DTWD2: variants seen among roughly 807,000 people sequenced by gnomAD.
DTWD2 encodes DTW motif tRNA-uridine aminocarboxypropyltransferase 2, also known as tRNA-uridine aminocarboxypropyltransferase 2.
In DTWD2, 39 loss-of-function variants were observed where a neutral mutation model predicts 31.8. The ratio of observed to expected loss-of-function variants is 1.22; its 90% confidence interval spans 0.95 to 1.60. The LOEUF is 1.60. Among genes scored for constraint, DTWD2 ranks in the 40% most tolerant of loss-of-function variants. The pLI is 0.00. For missense variants in DTWD2, 515 were observed against 381.5 expected, an observed-to-expected ratio of 1.35 and a Z score of -2.92; for synonymous variants, 180 against 142.8, an observed-to-expected ratio of 1.26 and a Z score of -1.86.
chr5:118,875,910 C>T (rs1233218891), intron 4 of DTWD2, among the ~76,000 whole-genome samples: 1 of 152,180 alleles, frequency 6.6e-6, no homozygotes, highest in Non-Finnish European at 1.5e-5. Flanking sequence ...ATATTCTTTT[C>T]TTCGCCACAT....
intron 1 of DTWD2, among the ~76,000 whole-genome samples, chr5:118,947,236 T>C (rs182343374): frequency 1.6e-3 from 238 of 152,264 alleles, no homozygotes; most frequent in African/African-American, 5.4e-3. Context: ...CCAGAGGGCA[T>C]GTGATACAGT....
intron 4 of DTWD2, among the ~76,000 whole-genome samples, chr5:118,910,015 T>C (rs921327581): frequency 1.3e-5 from 2 of 152,182 alleles, no homozygotes; most frequent in African/African-American, 4.8e-5. Flanking sequence ...TCTTTCCTTG[T>C]CTTGGTGAAC....
At chr5:118,868,833 T>C (rs2149548482) in intron 4 of DTWD2, among the ~76,000 whole-genome samples, 1 of 131,410 alleles carries the variant, frequency 7.6e-6, no homozygotes, top group South Asian at 2.5e-4. Flanking sequence ...CAAGACCCTG[T>C]CTCTTAAAAA....
rs144557202 is a variant in DTWD2, at chr5:118,843,828, T to C, written c.727-2741A>G. ...GGTACTCCCTACAGCTGTTCACAAA[T>C]AGGCCAGCCTCCTTCCTGATACATG... On this transcript the variant is annotated intron_variant, in intron 5 of 5. Coordinates refer to ENST00000510708, the MANE Select transcript of DTWD2 (RefSeq NM_173666.4). 6.4e-3 allele frequency among the ~76,000 whole-genome samples: 979 copies of C among 152,354 alleles called. 10 individuals carry two copies. The highest frequency in any genetic ancestry group is 0.022 in the African/African-American group (899 of 41,592).
intron 4 of DTWD2, among the ~76,000 whole-genome samples, chr5:118,908,656 CAAA>C (rs771874998): frequency 1.5e-5 from 2 of 133,360 alleles, no homozygotes; most frequent in Non-Finnish European, 1.6e-5. Flanking sequence ...CCACCACCAC[CAAA>C]AAAAAAAAAA....
intron 4 of DTWD2, among the ~76,000 whole-genome samples, chr5:118,881,629 C>A (rs1052817204): frequency 2.6e-5 from 4 of 151,302 alleles, no homozygotes; most frequent in African/African-American, 7.3e-5. Flanking sequence ...ACTCAGAGTT[C>A]CACATGGCTG....
chr5:118,879,804 G>A (rs370819484), intron 4 of DTWD2, among the ~76,000 whole-genome samples: 1 of 152,018 alleles, frequency 6.6e-6, no homozygotes, highest in East Asian at 1.9e-4. Context: ...GCCTACTGGA[G>A]GGTAGAGAGT....
intron 4 of DTWD2, among the ~76,000 whole-genome samples, chr5:118,867,125 T>C (rs1034296393): frequency 2.0e-5 from 3 of 151,942 alleles, no homozygotes; most frequent in Non-Finnish European, 4.4e-5. Flanking sequence ...AAACTTACAG[T>C]TAAAGAAAAC....
At chr5:118,873,123 G>C (rs1752543405) in intron 4 of DTWD2, among the ~76,000 whole-genome samples, 1 of 152,216 alleles carries the variant, frequency 6.6e-6, no homozygotes. Flanking sequence ...GGGACCCCTT[G>C]ATCACCATGG....
At chr5:118,881,136 C>T (rs990637503) in intron 4 of DTWD2, among the ~76,000 whole-genome samples, 1 of 152,186 alleles carries the variant, frequency 6.6e-6, no homozygotes, top group Admixed American at 6.5e-5. Context: ...TGCTAGCTAC[C>T]TTGTGTTTCT....
intron 1 of DTWD2, among the ~76,000 whole-genome samples, chr5:118,947,210 C>T (rs919353686): frequency 1.3e-5 from 2 of 152,078 alleles, no homozygotes; most frequent in Non-Finnish European, 2.9e-5. Flanking sequence ...GGTGAGTACT[C>T]GTGACCCCTG....
At chr5:118,858,616 C>T (rs921026242) in intron 4 of DTWD2, among the ~76,000 whole-genome samples, 1 of 152,142 alleles carries the variant, frequency 6.6e-6, no homozygotes, top group African/African-American at 2.4e-5. Context: ...TTTGCCAATC[C>T]TGCCTGTTGT....
chr5:118,843,147 G>A (rs959171802), intron 5 of DTWD2, among the ~76,000 whole-genome samples: 14 of 151,858 alleles, frequency 9.2e-5, no homozygotes, highest in African/African-American at 3.4e-4. Flanking sequence ...AGTAGAGACG[G>A]GGTTTCACCA....
At chr5:118,971,795 A>C (rs111567013) in intron 1 of DTWD2, among the ~76,000 whole-genome samples, 11,205 of 152,312 alleles carry the variant, frequency 0.074, 544 homozygotes, top group Non-Finnish European at 0.11. Context: ...ACCACAGTGC[A>C]ATCAAATTAG....
In DTWD2 at chr5:118,857,238, T is replaced by G. The variant is rs1752158523; in HGVS notation, c.598-9020A>C. 2.0e-5 allele frequency among the ~76,000 whole-genome samples: 3 copies of G among 152,188 alleles called. No individual in the cohort carries two copies. The South Asian group carries it at 6.2e-4, about 32-fold the overall frequency. Reference sequence around the variant, plus strand: ...TCCTATTCATGTGTGTGGGGGTGTGTATATGTGTGTGTTAAGCTTTTGTGG... The same window carrying G: ...TCCTATTCATGTGTGTGGGGGTGTGGATATGTGTGTGTTAAGCTTTTGTGG... On this transcript the variant is annotated intron_variant, in intron 4 of 5. Coordinates refer to ENST00000510708, the MANE Select transcript of DTWD2 (RefSeq NM_173666.4).
rs778081745 is a variant in DTWD2 at position 118,939,281 on chromosome 5, C to A, written c.319G>T (p.Val107Leu). 3.8e-6 allele frequency: 6 copies of A among 1,568,662 alleles called. No homozygotes were observed. Among genetic ancestry groups the A allele is most frequent in the Non-Finnish European group, 5.2e-6 (6 of 1,158,946 alleles). ...IIQHPAEENK[V>L]LRTVPLLAAC... ...GCTAGTAGAGGAACTGTACGCAACACTTTGTTTTCCTTTAATTAAAAAATG... is the reference window on the plus strand; with the variant it reads ...GCTAGTAGAGGAACTGTACGCAACAATTTGTTTTCCTTTAATTAAAAAATG... The change falls in exon 3 of 6, where the codon GTG (valine) becomes TTG (leucine). Residue 107 changes from valine to leucine, a missense_variant. Physicochemically the swap from Val to Leu is conservative, Grantham distance 32. Coordinates refer to ENST00000510708, the MANE Select transcript of DTWD2 (RefSeq NM_173666.4).
chr5:118,906,109 G>C (rs1753327252), intron 4 of DTWD2, among the ~76,000 whole-genome samples: 1 of 152,136 alleles, frequency 6.6e-6, no homozygotes, highest in African/African-American at 2.4e-5. Context: ...CACATTATTA[G>C]TCAATAGCAA....
chr5:118,883,967 A>C (rs1752799064), intron 4 of DTWD2, among the ~76,000 whole-genome samples: 1 of 152,258 alleles, frequency 6.6e-6, no homozygotes, highest in South Asian at 2.1e-4. Context: ...AAGAGACAGA[A>C]TAGTGTAGTT....
At chr5:118,988,137 C>G (rs1396710437) in intron 1 of DTWD2, 157 bp downstream of exon 1, 2 of 872,516 alleles carry the variant, frequency 2.3e-6, no homozygotes, top group Admixed American at 4.0e-5. Context: ...TACTAGGTAG[C>G]TGTGCCTGGC....
Sources: gnomAD v4.1 joint callset for allele counts (sites outside exome capture counted in the v4.1 genomes callset) on GRCh38, gnomAD v4.1.1 for gene constraint, MANE v1.5 for transcripts, NCBI Gene and HGNC (gene_info 2026-07-23, HGNC 2026-07-21) for gene names.